The following PCDHGA5 variants were observed in gnomAD, a reference collection of about 807,000 sequenced individuals.
The protein encoded by PCDHGA5 is protocadherin gamma subfamily A, 5.
A neutral mutation model predicts 56.7 loss-of-function variants in PCDHGA5; 36 were observed. The observed-to-expected ratio is 0.64, with a 90% CI of 0.49 to 0.84. PCDHGA5 has a LOEUF of 0.84. PCDHGA5 is among the 40% of genes least tolerant of loss of function. PCDHGA5 has a pLI of 0.00. For missense variants in PCDHGA5, 1,305 were observed against 1,201.5 expected, an observed-to-expected ratio of 1.09 and a Z score of -1.27; for synonymous variants, 563 against 520.2, an observed-to-expected ratio of 1.08 and a Z score of -1.12.
rs1267617024 is a variant in PCDHGA5 at position 141,476,542 on chromosome 5, G to T, written c.2422-18265G>T. The T allele has an allele frequency of 6.2e-7, 1 of 1,614,210 alleles. No individual in the cohort carries two copies. The highest frequency in any genetic ancestry group is 1.7e-5 in the Admixed American group (1 of 60,036). On this transcript the variant is annotated intron_variant, in intron 1 of 3. Transcript: ENST00000518069. This position sits in a 1 kb window ranked among gnomAD's most constrained non-coding sequence, Gnocchi z 7.6. ...CTTTCCCTACCCAGGAAATGAAATT[G>T]GAGATTAGCGAGGCCGTGGCTCCGG...
At chr5:141,375,214 C>G in intron 1 of PCDHGA5, 1 of 1,613,810 alleles carries the variant, frequency 6.2e-7, no homozygotes. Flanking sequence ...GAGACTCTGG[C>G]CTGAATGGCC....
chr5:141,373,179 T>G (rs576905646), intron 1 of PCDHGA5, among the ~76,000 whole-genome samples: 1 of 152,360 alleles, frequency 6.6e-6, no homozygotes, highest in East Asian at 1.9e-4. Flanking sequence ...TCCTAAAATA[T>G]ATGAAACATT....
chr5:141,432,934 G>A lies in PCDHGA5; in HGVS notation c.2422-61873G>A. The stretch of plus-strand genomic sequence containing the variant: ...GGCGCTGGCACAAGTCACGCCTGCT[G>A]CAGGCTTCAGGAGGCGGCTTGACAG... On this transcript the variant is annotated intron_variant, in intron 1 of 3. Transcript: ENST00000518069. This position sits in a 1 kb window ranked among gnomAD's most constrained non-coding sequence, Gnocchi z 6.0. 1.9e-6 allele frequency: 3 copies of A among 1,614,196 alleles called. No individual in the cohort carries two copies. Among genetic ancestry groups the A allele is most frequent in the Non-Finnish European group, 2.5e-6 (3 of 1,180,040 alleles).
At chr5:141,385,965 G>A (rs368454164) in intron 1 of PCDHGA5, 2 of 152,134 alleles carry the variant, frequency 1.3e-5, no homozygotes, top group Non-Finnish European at 2.9e-5. Flanking sequence ...AAAGGCCATC[G>A]GACAAAACCA....
At chr5:141,392,322 A>G (rs2092513343) in intron 1 of PCDHGA5, 1 of 152,296 alleles carries the variant, frequency 6.6e-6, no homozygotes, top group South Asian at 2.1e-4. Flanking sequence ...TTAAGACCAA[A>G]TGTATTGCAG....
At chr5:141,399,075 A>C (rs759361503) in intron 1 of PCDHGA5, 1 of 1,613,868 alleles carries the variant, frequency 6.2e-7, no homozygotes, top group Non-Finnish European at 8.5e-7. Flanking sequence ...TGGTTGTAGA[A>C]GGGAGGGATG....
chr5:141,399,576 C>G, intron 1 of PCDHGA5: 1 of 1,614,028 alleles, frequency 6.2e-7, no homozygotes, highest in South Asian at 1.1e-5. Flanking sequence ...ACGGCCAAGT[C>G]TCCTACTCTA....
In PCDHGA5 at chr5:141,365,535, A is replaced by G. The variant is rs1042184144; in HGVS notation, c.1205A>G (p.Tyr402Cys). 3.1e-6 allele frequency: 5 copies of G among 1,613,822 alleles called. No individual in the cohort carries two copies. Among genetic ancestry groups the G allele is most frequent in the Non-Finnish European group, 4.2e-6 (5 of 1,179,884 alleles). The change falls in exon 1 of 4, where the codon TAT becomes TGT. Residue 402 changes from tyrosine to cysteine, a missense_variant. Physicochemically the swap from Tyr to Cys is radical, Grantham distance 194. Transcript: ENST00000518069. ...TTGGAGAAGTCAGTTGATAATTACTATCACCTATTAACAACTAGGGACCTG... is the reference window on the plus strand; with the variant it reads ...TTGGAGAAGTCAGTTGATAATTACTGTCACCTATTAACAACTAGGGACCTG... ...FKLEKSVDNY[Y>C]HLLTTRDLDR...
chr5:141,498,807 C>T (rs113587634), intron 2 of PCDHGA5, among the ~76,000 whole-genome samples: 5,552 of 152,138 alleles, frequency 0.036, 136 homozygotes, highest in South Asian at 0.073. Context: ...GTGGTGCACA[C>T]CTGTAGTCCC....
chr5:141,452,378 T>C (rs1227738942), intron 1 of PCDHGA5, among the ~76,000 whole-genome samples: 1 of 152,226 alleles, frequency 6.6e-6, no homozygotes, highest in African/African-American at 2.4e-5. Context: ...TAGTAGGGAA[T>C]AGTATTTAGA....
At chr5:141,371,946 C>T (rs200127619) in intron 1 of PCDHGA5, 98 of 1,613,142 alleles carry the variant, frequency 6.1e-5, no homozygotes, top group East Asian at 3.6e-4. Context: ...GTTCGCGCAG[C>T]GAGCCTTCGA....
At position 141,383,035 on chromosome 5, in the gene PCDHGA5, G is replaced by A. The variant is rs550075608; in HGVS notation, c.2421+16284G>A. ...GGAGACGGACAAAGGGTCCTTTGTG[G>A]GAGACATCGCCAAGGACCTGGGGCT... On this transcript the variant is annotated intron_variant, in intron 1 of 3. Coordinates refer to ENST00000518069, the MANE Select transcript of PCDHGA5 (RefSeq NM_018918.3). 3.1e-6 allele frequency: 5 copies of A among 1,613,882 alleles called. No individual in the cohort carries two copies. In the South Asian group the frequency reaches 5.5e-5, roughly 18 times the overall value.
At position 141,511,373 on chromosome 5, in the gene PCDHGA5, G is replaced by C. The variant is rs1361376059; in HGVS notation, c.*200G>C. 16 of 1,251,214 alleles carry C rather than the reference G, an allele frequency of 1.3e-5. No homozygotes were observed. Among genetic ancestry groups the C allele is most frequent in the Non-Finnish European group, 1.4e-5 (13 of 925,282 alleles). The allele number at this position is 1,251,214 out of a possible 1,614,324, so 77.5% of individuals were successfully genotyped here. A position where few individuals can be genotyped will look rare whatever the true frequency, so the allele number is the denominator to read the frequency against. ...CCCCCAGGGGGTTGAATATGCAAAAGCAGTTCCGCTGGGAACCCCCATCCA... is the reference window on the plus strand; with the variant it reads ...CCCCCAGGGGGTTGAATATGCAAAACCAGTTCCGCTGGGAACCCCCATCCA... On this transcript the variant is annotated 3_prime_UTR_variant, in exon 4 of 4. Transcript: ENST00000518069.
intron 1 of PCDHGA5, chr5:141,404,308 C>T (rs1241004917): frequency 6.2e-7 from 1 of 1,613,918 alleles, no homozygotes; most frequent in Middle Eastern, 1.6e-4. Flanking sequence ...CACCTGCTTT[C>T]TCTCAAGCCT....
intron 1 of PCDHGA5, chr5:141,372,275 C>T (rs1308117997): frequency 4.3e-6 from 7 of 1,613,024 alleles, no homozygotes; most frequent in South Asian, 2.2e-5. Context: ...GTGAGGTGCG[C>T]ACGGCGCGTA....
In PCDHGA5 at chr5:141,398,481, C is replaced by T. The variant is rs377302058; in HGVS notation, c.2421+31730C>T. ...CTGAAAATCCACTGAACTTTTATCACGTGAATGTGGAGATCGAGGACATTA... is the reference window on the plus strand; with the variant it reads ...CTGAAAATCCACTGAACTTTTATCATGTGAATGTGGAGATCGAGGACATTA... On this transcript the variant is annotated intron_variant, in intron 1 of 3. Transcript: ENST00000518069. The T allele has an allele frequency of 6.8e-6, 11 of 1,607,008 alleles. No individual in the cohort carries two copies. In the African/African-American group the frequency reaches 8.1e-5, roughly 12 times the overall value.
rs140088812 is a variant in PCDHGA5, at chr5:141,489,695, T to C, written c.2422-5112T>C. The C allele has an allele frequency of 6.2e-7, 1 of 1,614,088 alleles. No homozygotes were observed. The highest frequency in any genetic ancestry group is 1.3e-5 in the African/African-American group (1 of 75,026). On this transcript the variant is annotated intron_variant, in intron 1 of 3. Transcript: ENST00000518069. This position sits in a 1 kb window ranked among gnomAD's most constrained non-coding sequence, Gnocchi z 4.5. ...GAATCAGCAGCATCTGGGGCACGAT[T>C]CCCACTGGACAGTGCCCAGGATCCG...
At chr5:141,443,538 G>A (rs768723399) in intron 1 of PCDHGA5, among the ~76,000 whole-genome samples, 2 of 152,118 alleles carry the variant, frequency 1.3e-5, no homozygotes, top group African/African-American at 4.8e-5. Flanking sequence ...TTTAAAGCTT[G>A]GGAAATTGTT....
intron 1 of PCDHGA5, chr5:141,388,909 C>T: frequency 6.2e-7 from 1 of 1,613,902 alleles, no homozygotes. Flanking sequence ...AATGACAACG[C>T]CCCAGAAGTG....
Sources: allele counts gnomAD v4.1 joint callset (sites outside exome capture counted in the v4.1 genomes callset), GRCh38; gene constraint gnomAD v4.1.1; non-coding constraint Gnocchi (gnomAD v3.1); transcripts MANE v1.5; gene names NCBI Gene and HGNC (gene_info 2026-07-23, HGNC 2026-07-21).